Variants in EVI5 observed in about 807,000 individuals in gnomAD.
The protein encoded by EVI5 is ecotropic viral integration site 5 protein homolog.
Under a neutral mutation model 112.0 loss-of-function variants are expected in EVI5, and 73 were observed. That is an observed-to-expected ratio of 0.65 (90% CI 0.54 to 0.79). EVI5 has a LOEUF of 0.79. EVI5 is among the 30% of genes least tolerant of loss of function. The probability of loss-of-function intolerance (pLI) is 0.00; values close to 1 mark genes in which losing one functional copy is unlikely to be tolerated. For missense variants in EVI5, 900 were observed against 968.8 expected (o/e 0.93, Z 0.94); for synonymous variants, 305 against 319.9 (o/e 0.95, Z 0.50).
chr1:92,627,891 G>A (rs924048156), intron 14 of EVI5, among the ~76,000 whole-genome samples: 18 of 152,170 alleles, frequency 1.2e-4, no homozygotes, highest in Admixed American at 7.2e-4. Context: ...CCGGGTTCAA[G>A]CAATTCTCTG....
In EVI5 at chr1:92,512,469, C is replaced by T. The variant is rs1659245706; in HGVS notation, c.*1187G>A. 1 of 152,212 alleles carries T rather than the reference C, an allele frequency of 6.6e-6. No homozygotes were observed. The highest frequency in any genetic ancestry group is 1.5e-5 in the Non-Finnish European group (1 of 68,026). The allele number at this position is 152,212 out of a possible 1,614,324, so 9.4% of individuals were successfully genotyped here. On this transcript the variant is annotated 3_prime_UTR_variant, in exon 20 of 20. Coordinates refer to ENST00000684568, the MANE Select transcript of EVI5 (RefSeq NM_001350197.2). ...GAATGCTAAGCAAAATACTAAAGCTCTTAAAACATTAGTGTTTTATTTTTA... is the reference window on the plus strand; with the variant it reads ...GAATGCTAAGCAAAATACTAAAGCTTTTAAAACATTAGTGTTTTATTTTTA...
rs529282425 is a variant in EVI5 at position 92,663,401 on chromosome 1, A to G, written c.1245+19T>C. 2.3e-5 allele frequency: 31 copies of G among 1,359,668 alleles called. No homozygotes were observed. In the African/African-American group the frequency reaches 3.7e-4, roughly 16 times the overall value. 84.2% of individuals were successfully genotyped at this position (1,359,668 alleles called of 1,614,324 possible). On this transcript the variant is annotated intron_variant, in intron 12 of 19. Coordinates refer to ENST00000684568, the MANE Select transcript of EVI5 (RefSeq NM_001350197.2). ...TAGAGAAGATGTTTTAAAAAACTAA[A>G]ACAAAACAAAAACTATACCTGTATC...
Position 92,617,091 on chromosome 1 carries a change from T to C in EVI5, c.1827+7085A>G, listed in dbSNP as rs527753917. 2.8e-4 allele frequency among the ~76,000 whole-genome samples: 42 copies of C among 152,278 alleles called. 1 individual carries two copies. The East Asian group carries it at 7.9e-3, about 29-fold the overall frequency. On this transcript the variant is annotated intron_variant, in intron 16 of 19. Transcript: ENST00000684568. ...AGAGGAAGAGAAGACCAGGGCCTGG[T>C]TCACAGATGGTTCTGCACGATATGC... is the stretch of plus-strand genomic sequence containing the variant.
chr1:92,590,227 C>T (rs998164640), intron 18 of EVI5, among the ~76,000 whole-genome samples: 26 of 152,178 alleles, frequency 1.7e-4, no homozygotes, highest in South Asian at 8.3e-4. Context: ...TCTAAAGGAA[C>T]GCAGCTCCTC....
intron 1 of EVI5, among the ~76,000 whole-genome samples, chr1:92,763,763 A>C (rs985517376): frequency 2.6e-5 from 4 of 152,108 alleles, no homozygotes; most frequent in African/African-American, 9.7e-5. Context: ...GTGACACTCC[A>C]CTCCAGCCTA....
intron 9 of EVI5, among the ~76,000 whole-genome samples, chr1:92,690,059 G>A (rs369140072): frequency 2.2e-4 from 33 of 152,056 alleles, no homozygotes; most frequent in African/African-American, 7.7e-4. Flanking sequence ...TTTATTTATT[G>A]CAGAGATGGG....
intron 9 of EVI5, among the ~76,000 whole-genome samples, chr1:92,677,909 C>T (rs1460363871): frequency 1.3e-5 from 2 of 152,164 alleles, no homozygotes; most frequent in Admixed American, 1.3e-4. Context: ...TGACATCATG[C>T]ACCCCTGTTA....
At chr1:92,704,496 A>G in intron 3 of EVI5, 59 bp downstream of exon 3, 1 of 1,089,488 alleles carries the variant, frequency 9.2e-7, no homozygotes, top group Non-Finnish European at 1.3e-6. Flanking sequence ...ATCCTCTATT[A>G]AGTTATGTCT....
intron 2 of EVI5, among the ~76,000 whole-genome samples, chr1:92,733,788 T>TA (rs1223412743): frequency 6.6e-6 from 1 of 152,116 alleles, no homozygotes; most frequent in Non-Finnish European, 1.5e-5. Context: ...TGCAAATTAT[T>TA]ATAATTAATT....
At chr1:92,626,385 T>G (rs1351045783) in intron 14 of EVI5, among the ~76,000 whole-genome samples, 1 of 152,194 alleles carries the variant, frequency 6.6e-6, no homozygotes, top group Non-Finnish European at 1.5e-5. Context: ...CCAAATGATA[T>G]TCCACTGTAT....
chr1:92,758,425 C>T (rs952004407), intron 1 of EVI5, among the ~76,000 whole-genome samples: 6 of 151,890 alleles, frequency 4.0e-5, no homozygotes, highest in African/African-American at 2.4e-5. Flanking sequence ...AAAAATTAGC[C>T]GGGCATAGTG....
chr1:92,707,201 CA>C (rs1368349952), intron 2 of EVI5, among the ~76,000 whole-genome samples: 1 of 35,482 alleles, frequency 2.8e-5, no homozygotes, highest in Non-Finnish European at 6.5e-5. Context: ...AAAAAAAAAA[CA>C]CAAGAAAACC....
chr1:92,561,183 A>G (rs1668469365), intron 19 of EVI5, among the ~76,000 whole-genome samples: 1 of 152,076 alleles, frequency 6.6e-6, no homozygotes, highest in African/African-American at 2.4e-5. Flanking sequence ...CATTTTTATA[A>G]TGGTCTTATT....
At chr1:92,653,963 G>A (rs1662587397) in intron 13 of EVI5, among the ~76,000 whole-genome samples, 1 of 152,064 alleles carries the variant, frequency 6.6e-6, no homozygotes, top group Non-Finnish European at 1.5e-5. Flanking sequence ...TGGAACTGGG[G>A]TGGCTCCCTG....
intron 2 of EVI5, among the ~76,000 whole-genome samples, chr1:92,729,302 T>C (rs944699627): frequency 6.6e-6 from 1 of 152,206 alleles, no homozygotes; most frequent in Non-Finnish European, 1.5e-5. Context: ...TACGTTTCAG[T>C]TGATGACAAT....
intron 13 of EVI5, among the ~76,000 whole-genome samples, chr1:92,654,742 A>T (rs1662723580): frequency 6.6e-6 from 1 of 152,200 alleles, no homozygotes; most frequent in South Asian, 2.1e-4. Flanking sequence ...GCTCAATGAG[A>T]TCTAAGAGAA....
chr1:92,624,381 A>G, intron 15 of EVI5, 47 bp from the exon 16 acceptor site: 1 of 1,474,104 alleles, frequency 6.8e-7, no homozygotes, highest in Non-Finnish European at 9.4e-7. Flanking sequence ...CAGTATCAAA[A>G]TAAGAGCTAA....
At chr1:92,714,502 C>T (rs1248316906) in intron 2 of EVI5, among the ~76,000 whole-genome samples, 5 of 152,126 alleles carry the variant, frequency 3.3e-5, no homozygotes, top group Non-Finnish European at 2.9e-5. Flanking sequence ...ATTATCCTTG[C>T]AATTTTTCCC....
At chr1:92,647,599 G>A in intron 13 of EVI5, 2 of 497,128 alleles carry the variant, frequency 4.0e-6, no homozygotes, top group East Asian at 3.7e-5. Context: ...GAAGGAATAA[G>A]CAGACACCTT....
Sources: gnomAD v4.1 joint callset for allele counts (sites outside exome capture counted in the v4.1 genomes callset) on GRCh38, gnomAD v4.1.1 for gene constraint, MANE v1.5 for transcripts, NCBI Gene and HGNC (gene_info 2026-07-23, HGNC 2026-07-21) for gene names.